GRM1: variants seen among roughly 807,000 people sequenced by gnomAD.
The protein encoded by GRM1 is metabotropic glutamate receptor 1.
GRM1 carries 33 observed loss-of-function variants against 90.9 expected under a neutral mutation model. The observed-to-expected ratio is 0.36, with a 90% CI of 0.28 to 0.49. The LOEUF (loss-of-function observed/expected upper bound fraction) is 0.49, where lower values mean the gene tolerates loss of function less well. GRM1 is among the 20% of genes least tolerant of loss of function. GRM1 has a pLI of 0.99. For missense variants in GRM1, 1,190 were observed against 1,534.3 expected (o/e 0.78, Z 3.75); for synonymous variants, 700 against 613.2 (o/e 1.14, Z -2.09).
intron 2 of GRM1, among the ~76,000 whole-genome samples, chr6:146,299,878 A>G (rs1783311912): frequency 6.6e-6 from 1 of 152,150 alleles, no homozygotes; most frequent in Non-Finnish European, 1.5e-5. Flanking sequence ...TTGTGCCATG[A>G]TTTGAAAACA....
intron 2 of GRM1, among the ~76,000 whole-genome samples, chr6:146,240,207 C>T (rs1780803213): frequency 6.6e-6 from 1 of 151,898 alleles, no homozygotes; most frequent in Non-Finnish European, 1.5e-5. Context: ...CCATGTAGAA[C>T]CGTACAGGAT....
chr6:146,258,183 A>G (rs1467282694), intron 2 of GRM1, among the ~76,000 whole-genome samples: 2 of 152,140 alleles, frequency 1.3e-5, no homozygotes, highest in Non-Finnish European at 1.5e-5. Context: ...CCTGATTTCT[A>G]TCAGCAGCAA....
At chr6:146,254,730 C>G (rs1208371321) in intron 2 of GRM1, among the ~76,000 whole-genome samples, 1 of 152,182 alleles carries the variant, frequency 6.6e-6, no homozygotes, top group Non-Finnish European at 1.5e-5. Context: ...GAATGGTTTA[C>G]AATCTACAGG....
At chr6:146,178,392 G>A (rs1778414265) in intron 2 of GRM1, among the ~76,000 whole-genome samples, 2 of 152,120 alleles carry the variant, frequency 1.3e-5, no homozygotes, top group South Asian at 2.1e-4. Context: ...AATGCTTTGG[G>A]ATTTTGAATG....
chr6:146,168,506 A>T (rs545952441), intron 2 of GRM1, among the ~76,000 whole-genome samples: 6 of 152,120 alleles, frequency 3.9e-5, no homozygotes, highest in African/African-American at 1.2e-4. Context: ...AATGAGAAAA[A>T]TTAGCTTCTA....
intron 5 of GRM1, among the ~76,000 whole-genome samples, chr6:146,371,860 C>T (rs1775913908): frequency 6.6e-6 from 1 of 152,018 alleles, no homozygotes; most frequent in African/African-American, 2.4e-5. Context: ...TTTAAATTCA[C>T]CTGTTGATGA....
chr6:146,432,418 A>G (rs1054916575), intron 7 of GRM1, among the ~76,000 whole-genome samples: 4 of 152,234 alleles, frequency 2.6e-5, no homozygotes, highest in African/African-American at 9.7e-5. Flanking sequence ...TACCTTCATC[A>G]TAAATGATGC....
At chr6:146,199,156 A>G (rs372694488) in intron 2 of GRM1, among the ~76,000 whole-genome samples, 1 of 152,160 alleles carries the variant, frequency 6.6e-6, no homozygotes, top group Non-Finnish European at 1.5e-5. Flanking sequence ...TGTATTCCTG[A>G]TAGTGGCTGG....
intron 7 of GRM1, among the ~76,000 whole-genome samples, chr6:146,412,436 A>T (rs537902618): frequency 4.0e-5 from 6 of 151,180 alleles, no homozygotes; most frequent in Admixed American, 6.6e-5. Context: ...TGTTTTTCAC[A>T]TTTTTTTTTG....
intron 2 of GRM1, among the ~76,000 whole-genome samples, chr6:146,233,416 C>CT (rs975836859): frequency 6.6e-6 from 1 of 151,912 alleles, no homozygotes; most frequent in African/African-American, 2.4e-5. Flanking sequence ...AAATCTGTAT[C>CT]TTTTTTTTCC....
intron 2 of GRM1, among the ~76,000 whole-genome samples, chr6:146,300,248 T>C (rs185307405): frequency 1.3e-3 from 195 of 152,336 alleles, no homozygotes; most frequent in African/African-American, 4.2e-3. Context: ...TTTTCTAAAA[T>C]GTTTTTGCAC....
intron 2 of GRM1, among the ~76,000 whole-genome samples, chr6:146,224,641 G>C (rs935409563): frequency 1.3e-5 from 2 of 152,054 alleles, no homozygotes; most frequent in Non-Finnish European, 2.9e-5. Context: ...TGTCCAGTCC[G>C]GTGTAATAGT....
chr6:146,173,341 G>A (rs1778207636), intron 2 of GRM1, among the ~76,000 whole-genome samples: 1 of 145,086 alleles, frequency 6.9e-6, no homozygotes, highest in South Asian at 2.1e-4. Flanking sequence ...AGTGAGCCGA[G>A]ACTGCACCAT....
intron 6 of GRM1, among the ~76,000 whole-genome samples, chr6:146,391,564 A>G (rs1197884008): frequency 2.0e-5 from 3 of 152,068 alleles, no homozygotes; most frequent in African/African-American, 7.2e-5. Context: ...CTCTTTTTTA[A>G]AAACTTCAAA....
intron 1 of GRM1, among the ~76,000 whole-genome samples, chr6:146,122,208 G>C (rs1027288605): frequency 6.6e-6 from 1 of 152,054 alleles, no homozygotes; most frequent in Non-Finnish European, 1.5e-5. Context: ...TTTGTAGTTG[G>C]TCTTTGCCCC....
intron 1 of GRM1, among the ~76,000 whole-genome samples, chr6:146,082,760 T>G (rs963194331): frequency 2.6e-5 from 4 of 152,228 alleles, no homozygotes; most frequent in Non-Finnish European, 5.9e-5. Context: ...AGTTTTTTTC[T>G]AATTCTGTGA....
chr6:146,273,989 G>A (rs73783680), intron 2 of GRM1, among the ~76,000 whole-genome samples: 2,931 of 152,290 alleles, frequency 0.019, 38 homozygotes, highest in Admixed American at 0.028. Context: ...TTATGCAGAT[G>A]CATAGGAATA....
chr6:146,080,197 G>A (rs1039822196), intron 1 of GRM1, among the ~76,000 whole-genome samples: 4 of 152,134 alleles, frequency 2.6e-5, no homozygotes, highest in Admixed American at 2.6e-4. Flanking sequence ...CTGGTGTGGA[G>A]GGTGATATAG....
chr6:146,118,821 T>A (rs1775866444), intron 1 of GRM1, among the ~76,000 whole-genome samples: 1 of 152,250 alleles, frequency 6.6e-6, no homozygotes, highest in Non-Finnish European at 1.5e-5. Flanking sequence ...GTGCCACATT[T>A]TCTTAATCCA....
Sources: gnomAD v4.1 joint callset for allele counts (sites outside exome capture counted in the v4.1 genomes callset) on GRCh38, gnomAD v4.1.1 for gene constraint, MANE v1.5 for transcripts, NCBI Gene and HGNC (gene_info 2026-07-23, HGNC 2026-07-21) for gene names.